The following CDH3 variants were observed in gnomAD, a reference collection of about 807,000 sequenced individuals.
CDH3 encodes cadherin 3.
A neutral mutation model predicts 82.0 loss-of-function variants in CDH3; 54 were observed. The observed-to-expected ratio is 0.66, with a 90% CI of 0.53 to 0.83. The LOEUF (loss-of-function observed/expected upper bound fraction) is 0.83, where lower values mean the gene tolerates loss of function less well. Ranked by LOEUF, CDH3 falls within the 40% of genes least tolerant of loss-of-function variation. The pLI is 0.00. For synonymous variants in CDH3, 446 were observed against 437.9 expected (o/e 1.02, Z -0.23); for missense variants, 1,054 against 1,084.6 (o/e 0.97, Z 0.40).
At chr16:68,688,448 C>T (rs1961477177) in intron 12 of CDH3, among the ~76,000 whole-genome samples, 1 of 151,988 alleles carries the variant, frequency 6.6e-6, no homozygotes, top group African/African-American at 2.4e-5. Flanking sequence ...ATTAGCCAGG[C>T]ATGGTGGCAT....
At chr16:68,718,820 A>C (rs1280785422) in intron 1 of CDH3, among the ~76,000 whole-genome samples, 1 of 152,246 alleles carries the variant, frequency 6.6e-6, no homozygotes. Context: ...ACAAAGACGC[A>C]TACATGTTCC....
At position 68,687,518 on chromosome 16, in the gene CDH3, C is replaced by T; in HGVS notation, c.1577C>T (p.Pro526Leu). ...TATGTGTCATTACAAACAGGAAGCC[C>T]TCCCACCACTGGCACGGGAACCCTT... ...VMVLAMDNGS[P>L]PTTGTGTLLL... Residue 526 changes from proline to leucine, a missense_variant, in exon 12 of 16, where the codon CCT becomes CTT. Coordinates refer to ENST00000264012, the MANE Select transcript of CDH3 (RefSeq NM_001793.6). 1 of 1,613,934 alleles carries T rather than the reference C, an allele frequency of 6.2e-7. No individual in the cohort carries two copies. Among genetic ancestry groups the T allele is most frequent in the Non-Finnish European group, 8.5e-7 (1 of 1,179,924 alleles).
intron 1 of CDH3, among the ~76,000 whole-genome samples, chr16:68,708,667 C>G (rs1437130718): frequency 1.7e-4 from 25 of 149,684 alleles, no homozygotes; most frequent in Admixed American, 1.7e-3. Flanking sequence ...TTTTTGAGAC[C>G]GAGTCTCGCT....
At chr16:68,674,191 A>G (rs1242215793) in intron 2 of CDH3, among the ~76,000 whole-genome samples, 1 of 151,970 alleles carries the variant, frequency 6.6e-6, no homozygotes, top group East Asian at 1.9e-4. Flanking sequence ...CCTTGCCAAC[A>G]CTTGTTGTTT....
intron 2 of CDH3, among the ~76,000 whole-genome samples, chr16:68,664,133 C>T (rs1221618273): frequency 6.6e-6 from 1 of 152,122 alleles, no homozygotes; most frequent in East Asian, 1.9e-4. Context: ...TGGGCTGCTT[C>T]TGATGCCCGG....
At chr16:68,683,728 C>G (rs1376443461) in intron 9 of CDH3, among the ~76,000 whole-genome samples, 1 of 75,808 alleles carries the variant, frequency 1.3e-5, no homozygotes, top group African/African-American at 5.0e-5. Flanking sequence ...AAAAGAAAAT[C>G]CAGCCTGGAC....
At chr16:68,678,023 A>T in intron 3 of CDH3, 111 bp from the exon 4 acceptor site, 1 of 993,968 alleles carries the variant, frequency 1.0e-6, no homozygotes, top group Non-Finnish European at 1.6e-6. Flanking sequence ...TACTGGGATT[A>T]TAGGCGTGAG....
chr16:68,671,495 G>A (rs1182691384), intron 2 of CDH3, among the ~76,000 whole-genome samples: 2 of 151,226 alleles, frequency 1.3e-5, no homozygotes, highest in Non-Finnish European at 2.9e-5. Context: ...GCTGGATTAG[G>A]GCCTAGCCTA....
At chr16:68,695,504 C>A in intron 14 of CDH3, 119 bp downstream of exon 14, 1 of 1,058,674 alleles carries the variant, frequency 9.4e-7, no homozygotes, top group Non-Finnish European at 1.4e-6. Flanking sequence ...ATGAAGCATG[C>A]GTCTTCCTTT....
rs371299249 is a variant in CDH3 at position 68,691,821 on chromosome 16, A to G, written c.1897A>G (p.Ile633Val). Residue 633 changes from isoleucine to valine, a missense_variant, in exon 13 of 16, where the codon ATC becomes GTC. Transcript: ENST00000264012. The stretch of plus-strand genomic sequence containing the variant: ...TGGCAACAAAGAGCAGCTGACGGTG[A>G]TCAGGGCCACTGTGTGCGACTGCCA... ...DHGNKEQLTVIRATVCDCHGH... is the reference protein window; with the variant it reads ...DHGNKEQLTVVRATVCDCHGH... 7.4e-6 allele frequency: 12 copies of G among 1,614,022 alleles called. No individual in the cohort carries two copies. Among genetic ancestry groups the G allele is most frequent in the Non-Finnish European group, 9.3e-6 (11 of 1,180,022 alleles).
chr16:68,651,908 G>A (rs1053061611), intron 2 of CDH3: 9 of 400,518 alleles, frequency 2.2e-5, no homozygotes, highest in African/African-American at 4.2e-5. Flanking sequence ...TCTTGACCTC[G>A]GCGGAGAGCC....
At chr16:68,732,151 G>GCAGCC (rs138339989), downstream of CDH3, among the ~76,000 whole-genome samples, 8,965 of 151,834 alleles carry the variant, frequency 0.059, 857 homozygotes, top group African/African-American at 0.2. Flanking sequence ...ATGCTGGCAG[G>GCAGCC]CAGCCCAGCC....
intron 1 of CDH3, among the ~76,000 whole-genome samples, chr16:68,715,839 A>G (rs1317063117): frequency 1.3e-5 from 2 of 152,192 alleles, no homozygotes; most frequent in African/African-American, 4.8e-5. Context: ...TGGGCACAAC[A>G]TATGGTTCAA....
intron 2 of CDH3, among the ~76,000 whole-genome samples, chr16:68,656,441 C>A (rs1238629978): frequency 1.3e-5 from 2 of 152,090 alleles, no homozygotes; most frequent in Non-Finnish European, 2.9e-5. Flanking sequence ...TGTGAAAACT[C>A]ACCACCACCA....
chr16:68,729,987 C>T (rs1962266828), downstream of CDH3, among the ~76,000 whole-genome samples: 1 of 152,128 alleles, frequency 6.6e-6, no homozygotes, highest in Non-Finnish European at 1.5e-5. Flanking sequence ...GTAATCCCAT[C>T]ACTTTGGGAG....
At chr16:68,674,230 T>C (rs182530732) in intron 2 of CDH3, among the ~76,000 whole-genome samples, 72 of 152,308 alleles carry the variant, frequency 4.7e-4, no homozygotes, top group African/African-American at 1.5e-3. Context: ...GCCATCCTAG[T>C]GCATGTGAAG....
At chr16:68,684,453 G>T in intron 9 of CDH3, 130 bp from the exon 10 acceptor site, 1 of 1,018,032 alleles carries the variant, frequency 9.8e-7, no homozygotes, top group Non-Finnish European at 1.5e-6. Context: ...TACAGAGAAA[G>T]GGCAGCACTG....
chr16:68,676,575 C>A, intron 3 of CDH3, 105 bp downstream of exon 3: 1 of 850,452 alleles, frequency 1.2e-6, no homozygotes, highest in South Asian at 1.4e-5. Flanking sequence ...TGAGCCAAGT[C>A]AGCCCTTCAG....
rs115235099 is a variant in CDH3, at chr16:68,692,015, G to A, written c.2002+89G>A. The A allele has an allele frequency of 6.6e-4, 683 of 1,042,724 alleles. 1 individual carries two copies. The African/African-American group carries it at 0.01, about 15-fold the overall frequency. The allele number at this position is 1,042,724 out of a possible 1,614,324, so 64.6% of individuals were successfully genotyped here. On this transcript the variant is annotated intron_variant, in intron 13 of 15. Coordinates refer to ENST00000264012, the MANE Select transcript of CDH3 (RefSeq NM_001793.6). ...GAGCTTTAACTCCTGGAACTAAGAG[G>A]CCACCAACATTGCCCGTCCACTCCT...
Sources: gnomAD v4.1 joint callset for allele counts (sites outside exome capture counted in the v4.1 genomes callset) on GRCh38, gnomAD v4.1.1 for gene constraint, MANE v1.5 for transcripts, NCBI Gene and HGNC (gene_info 2026-07-23, HGNC 2026-07-21) for gene names.